MSI2: variants seen among roughly 807,000 people sequenced by gnomAD.
MSI2 encodes musashi RNA binding protein 2.
Under a neutral mutation model 45.6 loss-of-function variants are expected in MSI2, and 17 were observed. The observed-to-expected ratio is 0.37, with a 90% confidence interval of 0.26 to 0.56. The LOEUF is 0.56. Among genes scored for constraint, MSI2 ranks in the 20% least tolerant of loss-of-function variants. The pLI is 0.77. For missense variants in MSI2, 293 were observed against 444.2 expected (o/e 0.66, Z 3.06); for synonymous variants, 156 against 158.2 (o/e 0.99, Z 0.11).
intron 10 of MSI2, chr17:57,632,105 A>G: frequency 8.0e-7 from 1 of 1,253,754 alleles, no homozygotes; most frequent in African/African-American, 1.5e-5. Flanking sequence ...TAACGGGGCC[A>G]GAGGGAAACT....
chr17:57,677,003 C>T lies in MSI2; in HGVS notation c.962C>T (p.Thr321Met), dbSNP rs2144757232. The change falls in exon 13 of 14, where the codon ACG becomes ATG. Residue 321 changes from threonine to methionine, a missense_variant. By Grantham distance (81) the Thr-to-Met change is moderately conservative. Transcript: ENST00000284073. ...GHGIAGPLIA[T>M]AFTNGYH The stretch of plus-strand genomic sequence containing the variant: ...CAATTTTAGGGACCTTTGATTGCAA[C>T]GGCCTTTACAAATGGATACCATTGA... 14 of 1,612,868 alleles carry T rather than the reference C, an allele frequency of 8.7e-6. No individual in the cohort carries two copies. Among genetic ancestry groups the T allele is most frequent in the Non-Finnish European group, 1.1e-5 (13 of 1,178,828 alleles).
Position 57,546,035 on chromosome 17 carries a change from G to A in MSI2, c.454+16311G>A, listed in dbSNP as rs571470366. Among the ~76,000 whole-genome samples the A allele has an allele frequency of 5.9e-5, 9 of 152,300 alleles. No individual in the cohort carries two copies. The South Asian group carries it at 8.3e-4, about 14-fold the overall frequency. ...CAGCCGAGGGGCAGCTGCTGGGTGCGAAGGCCACAGTCAGCGGGAGGCCCC... is the reference window on the plus strand; with the variant it reads ...CAGCCGAGGGGCAGCTGCTGGGTGCAAAGGCCACAGTCAGCGGGAGGCCCC... On this transcript the variant is annotated intron_variant, in intron 7 of 13. Coordinates refer to ENST00000284073, the MANE Select transcript of MSI2 (RefSeq NM_138962.4).
At chr17:57,556,942 C>A (rs945393197) in intron 7 of MSI2, among the ~76,000 whole-genome samples, 10 of 152,146 alleles carry the variant, frequency 6.6e-5, no homozygotes, top group Admixed American at 3.3e-4. Context: ...GCTGTCATGG[C>A]CACCTTCTCA....
In MSI2 at chr17:57,661,746, T is replaced by A. The variant is rs551852934; in HGVS notation, c.790+9585T>A. Among the ~76,000 whole-genome samples, 3 of 152,304 alleles carry A rather than the reference T, an allele frequency of 2.0e-5. No individual in the cohort carries two copies. The East Asian group carries it at 5.8e-4, about 29-fold the overall frequency. On this transcript the variant is annotated intron_variant, in intron 11 of 13. Transcript: ENST00000284073. ...CCCTGCTTGGGGCTATTGTTTCCCA[T>A]TCCTTTGCCCTTGAGGTGGCCACTG...
At chr17:57,525,910 G>T (rs892324812) in intron 6 of MSI2, among the ~76,000 whole-genome samples, 3 of 152,188 alleles carry the variant, frequency 2.0e-5, no homozygotes, top group Admixed American at 6.5e-5. Flanking sequence ...CCTAGAAGGG[G>T]TATTTCATAA....
In MSI2 at chr17:57,257,452, TTC is replaced by T. The variant is rs1906902226; in HGVS notation, c.104-6_104-5del. On this transcript the variant is annotated splice_polypyrimidine_tract_variant and intron_variant, in intron 2 of 13. Coordinates refer to ENST00000284073, the MANE Select transcript of MSI2 (RefSeq NM_138962.4). ...TTCTCTCCCCCCCCCATCTCTCTCT[TTC>T]TCTCTCTACAGATAGCCTTAGAGAC... 7.3e-7 allele frequency: 1 copy of T among 1,379,188 alleles called. No homozygotes were observed. The highest frequency in any genetic ancestry group is 1.5e-5 in the African/African-American group (1 of 66,388). 85.4% of individuals were successfully genotyped at this position (1,379,188 alleles called of 1,614,324 possible).
chr17:57,486,655 T>G (rs1384369932), intron 6 of MSI2, among the ~76,000 whole-genome samples: 1 of 152,212 alleles, frequency 6.6e-6, no homozygotes, highest in Non-Finnish European at 1.5e-5. Context: ...GTAGACTGCC[T>G]TTTAGACAAT....
chr17:57,368,389 C>G (rs2083371578), intron 5 of MSI2, among the ~76,000 whole-genome samples: 1 of 151,956 alleles, frequency 6.6e-6, no homozygotes, highest in Non-Finnish European at 1.5e-5. Flanking sequence ...AACACCGTCT[C>G]TACTAAAAAT....
chr17:57,325,514 C>G (rs768582832), intron 5 of MSI2, among the ~76,000 whole-genome samples: 9 of 152,318 alleles, frequency 5.9e-5, no homozygotes, highest in Non-Finnish European at 1.0e-4. Flanking sequence ...TGTTTGAGTC[C>G]TGAACACAGA....
rs568602990 is a variant in MSI2 at position 57,332,974 on chromosome 17, G to A, written c.313-68405G>A. Among the ~76,000 whole-genome samples the A allele has an allele frequency of 1.1e-4, 16 of 152,082 alleles. No homozygotes were observed. The South Asian group carries it at 2.9e-3, about 28-fold the overall frequency. On this transcript the variant is annotated intron_variant, in intron 5 of 13. Transcript: ENST00000284073. The stretch of plus-strand genomic sequence containing the variant: ...TGGAAGGCAGAGGTTGCAGTGAGCC[G>A]AGATCATGCCACTGCACTCCAGCCT...
At chr17:57,446,217 T>A (rs1366678970) in intron 6 of MSI2, among the ~76,000 whole-genome samples, 3 of 152,062 alleles carry the variant, frequency 2.0e-5, no homozygotes, top group African/African-American at 7.2e-5. Context: ...GGGCAAGTGA[T>A]CATCCAAGGA....
chr17:57,365,749 G>A (rs1185850703), intron 5 of MSI2, among the ~76,000 whole-genome samples: 1 of 152,158 alleles, frequency 6.6e-6, no homozygotes, highest in Non-Finnish European at 1.5e-5. Context: ...GTTGTCCTGG[G>A]AGATGAGCTT....
the MSI2 span, among the ~76,000 whole-genome samples, chr17:57,700,894 C>T: frequency 6.9e-6 from 1 of 144,778 alleles, no homozygotes; most frequent in South Asian, 2.3e-4. Context: ...AAGAGCAAAA[C>T]TCTGTCTTAA....
At chr17:57,590,988 G>A (rs971760035) in intron 7 of MSI2, among the ~76,000 whole-genome samples, 8 of 152,158 alleles carry the variant, frequency 5.3e-5, no homozygotes, top group South Asian at 4.2e-4. Flanking sequence ...AGAGGGCCCC[G>A]ATGGAGTGCC....
chr17:57,462,943 A>G (rs1308784349), intron 6 of MSI2, among the ~76,000 whole-genome samples: 1 of 152,196 alleles, frequency 6.6e-6, no homozygotes, highest in African/African-American at 2.4e-5. Flanking sequence ...CTGTGTCCAT[A>G]ACGGAGGATG....
intron 6 of MSI2, among the ~76,000 whole-genome samples, chr17:57,435,607 CT>C (rs1451908433): frequency 1.4e-4 from 22 of 152,204 alleles, no homozygotes; most frequent in African/African-American, 4.1e-4. Flanking sequence ...TCTTCCTCCC[CT>C]GAGCTACTCG....
At chr17:57,417,710 G>T (rs1164478582) in intron 6 of MSI2, among the ~76,000 whole-genome samples, 1 of 152,104 alleles carries the variant, frequency 6.6e-6, no homozygotes, top group Non-Finnish European at 1.5e-5. Context: ...ATTAACCTGG[G>T]ATCTGCTCAT....
At chr17:57,696,682 C>A in the MSI2 span, among the ~76,000 whole-genome samples, 37,984 of 152,084 alleles carry the variant, frequency 0.25, 5,645 homozygotes, top group African/African-American at 0.4. Context: ...CTGCAGTGAG[C>A]TACAATGGCA....
At chr17:57,442,636 G>C (rs1390540583) in intron 6 of MSI2, among the ~76,000 whole-genome samples, 2 of 152,148 alleles carry the variant, frequency 1.3e-5, no homozygotes, top group African/African-American at 4.8e-5. Flanking sequence ...CCCAGGTTCT[G>C]TTGCCCAAGA....
Sources: allele counts gnomAD v4.1 joint callset (sites outside exome capture counted in the v4.1 genomes callset), GRCh38; gene constraint gnomAD v4.1.1; transcripts MANE v1.5; gene names NCBI Gene and HGNC (gene_info 2026-07-23, HGNC 2026-07-21).